PI4K2A: variants seen among roughly 807,000 people sequenced by gnomAD.
The protein encoded by PI4K2A is phosphatidylinositol 4-kinase type 2 alpha, also known as phosphatidylinositol 4-kinase type 2-alpha.
Under a neutral mutation model 55.0 loss-of-function variants are expected in PI4K2A, and 20 were observed. The ratio of observed to expected loss-of-function variants is 0.36; its 90% confidence interval spans 0.26 to 0.53. The LOEUF (loss-of-function observed/expected upper bound fraction) is 0.53. Among genes scored for constraint, PI4K2A ranks in the 20% least tolerant of loss-of-function variants. The probability of loss-of-function intolerance (pLI) is 0.91; values close to 1 mark genes in which losing one functional copy is unlikely to be tolerated. For missense variants in PI4K2A, 463 were observed against 637.1 expected, an observed-to-expected ratio of 0.73 and a Z score of 2.94; for synonymous variants, 235 against 258.5, an observed-to-expected ratio of 0.91 and a Z score of 0.87.
chr10:97,642,888 C>G lies in PI4K2A; in HGVS notation c.435+1711C>G, dbSNP rs112228391. On this transcript the variant is annotated intron_variant, in intron 1 of 8. Coordinates refer to ENST00000370631, the Ensembl canonical transcript of PI4K2A. ...CTTTTTCTTTCTTTCTTTCTTTCTT[C>G]CTTCCTTCCTTCCTTCCTTCCTTCC... Among the ~76,000 whole-genome samples, 6 of 64,394 alleles carry G rather than the reference C, an allele frequency of 9.3e-5. 1 individual carries two copies. The highest frequency in any genetic ancestry group is 4.0e-4 in the African/African-American group (6 of 14,816). 42.2% of individuals were successfully genotyped at this position (64,394 alleles called of 152,430 possible).
At chr10:97,663,128 T>C (rs1316547199) in intron 5 of PI4K2A, among the ~76,000 whole-genome samples, 160 bp downstream of exon 5, 2 of 152,358 alleles carry the variant, frequency 1.3e-5, no homozygotes, top group East Asian at 1.9e-4. Context: ...TTTCTCAATA[T>C]GTGTTTCAAG....
chr10:97,673,749 A>C, exon 9 of PI4K2A: 1 of 1,613,234 alleles, frequency 6.2e-7, no homozygotes, highest in Non-Finnish European at 8.5e-7. Context: ...GTAGCTCCAG[A>C]GGCAGGCAGA....
chr10:97,670,163 G>A (rs1193687030), intron 8 of PI4K2A, among the ~76,000 whole-genome samples: 3 of 152,120 alleles, frequency 2.0e-5, no homozygotes, highest in Non-Finnish European at 4.4e-5. Flanking sequence ...GCCTCCCAAG[G>A]TGCTGAAATT....
chr10:97,667,179 G>C, intron 8 of PI4K2A, 59 bp downstream of exon 8: 3 of 1,270,196 alleles, frequency 2.4e-6, no homozygotes, highest in Admixed American at 1.9e-5. Flanking sequence ...GTGTGCTCAG[G>C]TTGAGCAAAT....
At position 97,672,722 on chromosome 10, in the gene PI4K2A, G is replaced by GTTTTTTTTTT. The variant is rs201709914; in HGVS notation, c.1279-857_1279-856insTTTTTTTTTT. 3.9e-4 allele frequency among the ~76,000 whole-genome samples: 37 copies of GTTTTTTTTTT among 94,770 alleles called. 2 individuals are homozygous for GTTTTTTTTTT. Among genetic ancestry groups the GTTTTTTTTTT allele is most frequent in the South Asian group, 1.3e-3 (4 of 3,188 alleles). 62.2% of individuals were successfully genotyped at this position (94,770 alleles called of 152,430 possible). A position where few individuals can be genotyped will look rare whatever the true frequency, so the allele number is the denominator to read the frequency against. ...ATGGAATTGCCGAGTCAGAGGGTCT[G>GTTTTTTTTTT]TTCTTTTTTTTTTTTTTTTTTTTTT... On this transcript the variant is annotated intron_variant, in intron 8 of 8. Transcript: ENST00000370631.
At chr10:97,645,827 G>A (rs2041502505) in intron 1 of PI4K2A, among the ~76,000 whole-genome samples, 1 of 151,716 alleles carries the variant, frequency 6.6e-6, no homozygotes, top group Admixed American at 6.6e-5. Flanking sequence ...TGGGATTACA[G>A]GTGTGAGCCA....
intron 5 of PI4K2A, among the ~76,000 whole-genome samples, 159 bp from the exon 6 acceptor site, chr10:97,664,726 G>A (rs1490295608): frequency 1.3e-5 from 2 of 152,242 alleles, no homozygotes; most frequent in East Asian, 1.9e-4. Context: ...AATGTGCTAA[G>A]TTCAGATAAC....
intron 4 of PI4K2A, among the ~76,000 whole-genome samples, chr10:97,660,142 C>A (rs1364898681): frequency 6.6e-6 from 1 of 151,142 alleles, no homozygotes; most frequent in East Asian, 1.9e-4. Flanking sequence ...GCTGGGACTA[C>A]AGGCGCCTGC....
chr10:97,664,784 A>G (rs962539493), intron 5 of PI4K2A, 101 bp from the exon 6 acceptor site: 6 of 733,704 alleles, frequency 8.2e-6, no homozygotes, highest in African/African-American at 7.0e-5. Flanking sequence ...TTCAATAAGA[A>G]TTCTTCTCTT....
intron 4 of PI4K2A, among the ~76,000 whole-genome samples, chr10:97,659,103 T>C (rs1269825668): frequency 6.6e-6 from 1 of 152,206 alleles, no homozygotes; most frequent in Non-Finnish European, 1.5e-5. Context: ...AGCACAATCA[T>C]AGCTCACTAC....
chr10:97,646,933 C>T (rs2041508004), intron 1 of PI4K2A, among the ~76,000 whole-genome samples: 1 of 152,028 alleles, frequency 6.6e-6, no homozygotes, highest in Non-Finnish European at 1.5e-5. Context: ...TGCCACCATG[C>T]CCGGCTAATT....
chr10:97,675,959 CT>C (rs2041662359), exon 9 of PI4K2A: 1 of 152,636 alleles, frequency 6.6e-6, no homozygotes, highest in African/African-American at 2.4e-5. Flanking sequence ...GAGAGTGTTG[CT>C]GCCCCCTGTG....
chr10:97,650,900 C>A, intron 1 of PI4K2A, 41 bp from the exon 2 acceptor site: 1 of 1,505,900 alleles, frequency 6.6e-7, no homozygotes, highest in South Asian at 1.1e-5. Flanking sequence ...CTATTTTGGT[C>A]AACTCGGATT....
At position 97,642,876 on chromosome 10, in the gene PI4K2A, T is replaced by TTC. The variant is rs2041483001; in HGVS notation, c.435+1699_435+1700insTC. Among the ~76,000 whole-genome samples, 156 of 123,332 alleles carry TTC rather than the reference T, an allele frequency of 1.3e-3. 5 individuals are homozygous for TTC. The highest frequency in any genetic ancestry group is 3.6e-3 in the South Asian group (14 of 3,924). 80.9% of individuals were successfully genotyped at this position (123,332 alleles called of 152,430 possible). A position where few individuals can be genotyped will look rare whatever the true frequency, so the allele number is the denominator to read the frequency against. On this transcript the variant is annotated intron_variant, in intron 1 of 8. Transcript: ENST00000370631. Reference sequence around the variant, plus strand: ...CTTTCTTTCTTTCTTTTTCTTTCTTTCTTTCTTTCTTCCTTCCTTCCTTCC... The same window carrying TTC: ...CTTTCTTTCTTTCTTTTTCTTTCTTTTCCTTTCTTTCTTCCTTCCTTCCTTCC...
At position 97,642,894 on chromosome 10, in the gene PI4K2A, T is replaced by C. The variant is rs1273003063; in HGVS notation, c.435+1717T>C. 1.5e-5 allele frequency among the ~76,000 whole-genome samples: 2 copies of C among 133,282 alleles called. 1 individual carries two copies. The highest frequency in any genetic ancestry group is 6.0e-5 in the African/African-American group (2 of 33,334). The allele number at this position is 133,282 out of a possible 152,430, so 87.4% of individuals were successfully genotyped here. ...CTTTCTTTCTTTCTTTCTTCCTTCCTTCCTTCCTTCCTTCCTTCCTTCCTT... is the reference window on the plus strand; with the variant it reads ...CTTTCTTTCTTTCTTTCTTCCTTCCCTCCTTCCTTCCTTCCTTCCTTCCTT... On this transcript the variant is annotated intron_variant, in intron 1 of 8. Transcript: ENST00000370631.
chr10:97,652,842 T>G (rs957710437), intron 2 of PI4K2A, among the ~76,000 whole-genome samples: 13 of 152,228 alleles, frequency 8.5e-5, no homozygotes, highest in African/African-American at 2.9e-4. Flanking sequence ...ATATTTATAG[T>G]AAGCATTCAT....
At chr10:97,646,509 A>T (rs185642190) in intron 1 of PI4K2A, among the ~76,000 whole-genome samples, 1 of 152,246 alleles carries the variant, frequency 6.6e-6, no homozygotes, top group Admixed American at 6.5e-5. Flanking sequence ...GAGCCACCAC[A>T]CCCAGCCTAA....
At chr10:97,663,080 A>G in intron 5 of PI4K2A, 112 bp downstream of exon 5, 1 of 744,670 alleles carries the variant, frequency 1.3e-6, no homozygotes, top group Non-Finnish European at 2.4e-6. Flanking sequence ...CGGGGGGCGC[A>G]TATGTTTAAA....
intron 1 of PI4K2A, among the ~76,000 whole-genome samples, chr10:97,648,047 C>T (rs558856669): frequency 7.9e-5 from 12 of 151,488 alleles, no homozygotes; most frequent in South Asian, 4.2e-4. Flanking sequence ...GGATTCTCCC[C>T]GCCGAGTAGC....
Sources: allele counts gnomAD v4.1 joint callset (sites outside exome capture counted in the v4.1 genomes callset), GRCh38; gene constraint gnomAD v4.1.1; transcripts MANE v1.5; gene names NCBI Gene and HGNC (gene_info 2026-07-23, HGNC 2026-07-21).